Variants in SNTB1 observed in about 807,000 individuals in gnomAD.
SNTB1 encodes the protein beta-1-syntrophin.
In SNTB1, 36 loss-of-function variants were observed where a neutral mutation model predicts 48.9. That is an observed-to-expected ratio of 0.74 (90% CI 0.56 to 0.97). SNTB1 has a LOEUF of 0.97. Among genes scored for constraint, SNTB1 ranks in the 50% least tolerant of loss-of-function variants. The probability of loss-of-function intolerance (pLI) is 0.00; values close to 1 mark genes in which losing one functional copy is unlikely to be tolerated. For missense variants in SNTB1, 786 were observed against 703.4 expected (o/e 1.12, Z -1.33); for synonymous variants, 299 against 294.6 (o/e 1.01, Z -0.15).
At chr8:120,612,189 A>G (rs960970099) in intron 3 of SNTB1, among the ~76,000 whole-genome samples, 1 of 152,256 alleles carries the variant, frequency 6.6e-6, no homozygotes, top group Non-Finnish European at 1.5e-5. Flanking sequence ...TAACAATAAC[A>G]GTAGCCATTA....
At chr8:120,594,869 T>C (rs1816298041) in intron 3 of SNTB1, among the ~76,000 whole-genome samples, 1 of 151,892 alleles carries the variant, frequency 6.6e-6, no homozygotes, top group Admixed American at 6.6e-5. Flanking sequence ...TTTGGGAAGA[T>C]GAAAAAGTGC....
chr8:120,574,410 G>C (rs1330981994), intron 4 of SNTB1, among the ~76,000 whole-genome samples: 1 of 152,108 alleles, frequency 6.6e-6, no homozygotes, highest in East Asian at 1.9e-4. Context: ...GGAAATTTTT[G>C]GAGGTGATGA....
chr8:120,608,558 C>T lies in SNTB1; in HGVS notation c.996+23886G>A, dbSNP rs112678598. 9.2e-3 allele frequency among the ~76,000 whole-genome samples: 1,405 copies of T among 152,252 alleles called. 23 individuals are homozygous for T. Among genetic ancestry groups the T allele is most frequent in the African/African-American group, 0.032 (1,338 of 41,550 alleles). Reference sequence around the variant, plus strand: ...CAGGGGGAGAGGCCTCTGAACAAACCAACCCTGCTGGCACCTTGATCTCAG... The same window carrying T: ...CAGGGGGAGAGGCCTCTGAACAAACTAACCCTGCTGGCACCTTGATCTCAG... On this transcript the variant is annotated intron_variant, in intron 3 of 6. Transcript: ENST00000517992.
intron 5 of SNTB1, among the ~76,000 whole-genome samples, chr8:120,546,084 C>T (rs7017091): frequency 0.044 from 6,742 of 152,156 alleles, 295 homozygotes; most frequent in African/African-American, 0.12. Flanking sequence ...GTACTGCTTC[C>T]TCAGAGACAG....
At chr8:120,801,816 T>C (rs950607757) in intron 1 of SNTB1, among the ~76,000 whole-genome samples, 1 of 152,158 alleles carries the variant, frequency 6.6e-6, no homozygotes, top group Non-Finnish European at 1.5e-5. Flanking sequence ...AATTAAATTA[T>C]CTATCTAAAC....
intron 2 of SNTB1, among the ~76,000 whole-genome samples, chr8:120,678,773 CT>C (rs568708900): frequency 8.5e-4 from 124 of 146,342 alleles, no homozygotes; most frequent in Middle Eastern, 7.0e-3. Flanking sequence ...AATTTTGTGA[CT>C]TTTTTTTTTT....
At chr8:120,715,874 C>T (rs757821676) in intron 1 of SNTB1, among the ~76,000 whole-genome samples, 28 of 152,306 alleles carry the variant, frequency 1.8e-4, no homozygotes, top group Admixed American at 4.6e-4. Context: ...AAAGCCAAAC[C>T]TCTAACTCAT....
chr8:120,731,063 A>T (rs896796280), intron 1 of SNTB1, among the ~76,000 whole-genome samples: 18 of 152,130 alleles, frequency 1.2e-4, no homozygotes, highest in African/African-American at 3.9e-4. Context: ...GGAGGTTGCC[A>T]TGAGTCAAGA....
intron 3 of SNTB1, among the ~76,000 whole-genome samples, chr8:120,596,999 C>G (rs1483435445): frequency 6.6e-6 from 1 of 152,166 alleles, no homozygotes; most frequent in African/African-American, 2.4e-5. Flanking sequence ...ACCTGTGCTA[C>G]CTTATATGGC....
intron 1 of SNTB1, among the ~76,000 whole-genome samples, chr8:120,702,321 C>T (rs1225423218): frequency 6.6e-6 from 1 of 152,210 alleles, no homozygotes; most frequent in Non-Finnish European, 1.5e-5. Flanking sequence ...AGCCACTCAC[C>T]ATCTGGCACC....
At chr8:120,706,567 T>A (rs1818378847) in intron 1 of SNTB1, among the ~76,000 whole-genome samples, 2 of 152,130 alleles carry the variant, frequency 1.3e-5, no homozygotes, top group East Asian at 3.8e-4. Context: ...CCTGGGAAAA[T>A]AAAGTAACTA....
intron 3 of SNTB1, among the ~76,000 whole-genome samples, chr8:120,601,991 G>A (rs190169598): frequency 6.6e-6 from 1 of 152,226 alleles, no homozygotes. Flanking sequence ...TTAAGTTAGA[G>A]GCAAAACAAA....
intron 2 of SNTB1, among the ~76,000 whole-genome samples, chr8:120,638,459 G>A (rs1817120282): frequency 6.6e-6 from 1 of 151,696 alleles, no homozygotes; most frequent in Non-Finnish European, 1.5e-5. Flanking sequence ...ACAACATGCA[G>A]GTTTGTTACA....
In SNTB1 at chr8:120,538,837, T is replaced by C. The variant is rs370580771; in HGVS notation, c.*40A>G. 161 of 1,511,712 alleles carry C rather than the reference T, an allele frequency of 1.1e-4. No individual in the cohort carries two copies. In the African/African-American group the frequency reaches 1.7e-3, roughly 16 times the overall value. 93.6% of individuals were successfully genotyped at this position (1,511,712 alleles called of 1,614,324 possible). On this transcript the variant is annotated 3_prime_UTR_variant, in exon 7 of 7. Coordinates refer to ENST00000517992, the MANE Select transcript of SNTB1 (RefSeq NM_021021.4). ...TCTGACATCACGTTCTCTGGTGGCA[T>C]TGCAGCCCTTCTTTTCTCAAAGGCA...
At chr8:120,651,528 C>A (rs1817411113) in intron 2 of SNTB1, among the ~76,000 whole-genome samples, 1 of 152,194 alleles carries the variant, frequency 6.6e-6, no homozygotes, top group Non-Finnish European at 1.5e-5. Flanking sequence ...TAATCAGTGA[C>A]TCTGTGGTGA....
intron 2 of SNTB1, among the ~76,000 whole-genome samples, chr8:120,636,267 G>T (rs1203250343): frequency 1.3e-5 from 2 of 150,392 alleles, no homozygotes; most frequent in Admixed American, 1.3e-4. Flanking sequence ...TATACTTTAA[G>T]TTTTAGGGTA....
intron 3 of SNTB1, among the ~76,000 whole-genome samples, chr8:120,578,899 G>A (rs933579785): frequency 6.6e-6 from 1 of 152,148 alleles, no homozygotes; most frequent in Non-Finnish European, 1.5e-5. Context: ...AGAATTGGAC[G>A]GGCGAGGTAG....
intron 2 of SNTB1, among the ~76,000 whole-genome samples, chr8:120,659,654 C>A (rs1817557647): frequency 6.6e-6 from 1 of 152,134 alleles, no homozygotes; most frequent in East Asian, 1.9e-4. Context: ...TGCTCAGATC[C>A]ATCACAGGAA....
chr8:120,567,927 C>A (rs1189055749), intron 4 of SNTB1, among the ~76,000 whole-genome samples: 1 of 152,072 alleles, frequency 6.6e-6, no homozygotes, highest in Admixed American at 6.6e-5. Context: ...GGATCCTCTT[C>A]TTTAGAAATA....
Sources: allele counts gnomAD v4.1 joint callset (sites outside exome capture counted in the v4.1 genomes callset), GRCh38; gene constraint gnomAD v4.1.1; transcripts MANE v1.5; gene names NCBI Gene and HGNC (gene_info 2026-07-23, HGNC 2026-07-21).